Variants in SPOCK3 observed in about 807,000 individuals in gnomAD.
The protein encoded by SPOCK3 is SPARC (osteonectin), cwcv and kazal like domains proteoglycan 3.
A neutral mutation model predicts 56.6 loss-of-function variants in SPOCK3; 30 were observed. The observed-to-expected ratio is 0.53, with a 90% CI of 0.40 to 0.72. The LOEUF is 0.72. Ranked by LOEUF, SPOCK3 falls within the 30% of genes least tolerant of loss-of-function variation. The pLI, the probability that SPOCK3 is intolerant of heterozygous loss-of-function variation, is 0.00. For missense variants in SPOCK3, 527 were observed against 530.0 expected (o/e 0.99, Z 0.06); for synonymous variants, 196 against 183.3 (o/e 1.07, Z -0.56).
At chr4:166,892,902 A>C (rs1352330585) in intron 5 of SPOCK3, among the ~76,000 whole-genome samples, 1 of 152,128 alleles carries the variant, frequency 6.6e-6, no homozygotes, top group Non-Finnish European at 1.5e-5. Flanking sequence ...CCCAACCTTC[A>C]GGGTCAGCAA....
At chr4:167,193,771 A>G (rs894180150) in intron 2 of SPOCK3, among the ~76,000 whole-genome samples, 1 of 145,332 alleles carries the variant, frequency 6.9e-6, no homozygotes, top group Non-Finnish European at 1.5e-5. Context: ...TAGGTGACAA[A>G]CCACTTCCCT....
intron 6 of SPOCK3, among the ~76,000 whole-genome samples, chr4:166,845,354 A>T (rs1377178951): frequency 6.6e-6 from 1 of 152,208 alleles, no homozygotes; most frequent in Non-Finnish European, 1.5e-5. Context: ...GGCATATGAA[A>T]TTTTAGCAGA....
intron 4 of SPOCK3, among the ~76,000 whole-genome samples, chr4:166,954,382 CA>C (rs1364199525): frequency 1.3e-5 from 2 of 152,096 alleles, no homozygotes; most frequent in African/African-American, 4.8e-5. Context: ...TTGCCTATAG[CA>C]ACATTATGGA....
At chr4:166,910,630 A>G (rs1304137767) in intron 5 of SPOCK3, among the ~76,000 whole-genome samples, 2 of 152,140 alleles carry the variant, frequency 1.3e-5, no homozygotes, top group East Asian at 1.9e-4. Context: ...TTGGTGTCCT[A>G]TGAAACTAAA....
intron 2 of SPOCK3, among the ~76,000 whole-genome samples, chr4:167,077,910 CTTTAA>C (rs1480320426): frequency 1.3e-5 from 2 of 151,802 alleles, no homozygotes; most frequent in Non-Finnish European, 2.9e-5. Flanking sequence ...GGAAACGTGG[CTTTAA>C]TTTAACAAAT....
At chr4:167,115,900 A>G (rs77644164) in intron 2 of SPOCK3, among the ~76,000 whole-genome samples, 2,879 of 152,214 alleles carry the variant, frequency 0.019, 76 homozygotes, top group African/African-American at 0.066. Context: ...AGAAAAATAA[A>G]TATCTCTAAA....
At chr4:167,138,846 T>C (rs1043863285) in intron 2 of SPOCK3, among the ~76,000 whole-genome samples, 1 of 151,956 alleles carries the variant, frequency 6.6e-6, no homozygotes, top group Non-Finnish European at 1.5e-5. Flanking sequence ...GATATTTTTA[T>C]CTTCTAAACA....
At chr4:166,997,209 G>A (rs888844940) in intron 4 of SPOCK3, among the ~76,000 whole-genome samples, 8 of 151,962 alleles carry the variant, frequency 5.3e-5, no homozygotes, top group East Asian at 3.9e-4. Flanking sequence ...TTATGCATGC[G>A]GTGCTTAATA....
chr4:167,000,345 T>A lies in SPOCK3; in HGVS notation c.350+4A>T. 1 of 1,461,294 alleles carries A rather than the reference T, an allele frequency of 6.8e-7. No homozygotes were observed. Among genetic ancestry groups the A allele is most frequent in the Non-Finnish European group, 9.5e-7 (1 of 1,055,850 alleles). The allele number at this position is 1,461,294 out of a possible 1,614,324, so 90.5% of individuals were successfully genotyped here. On this transcript the variant is annotated splice_donor_region_variant and intron_variant, in intron 4 of 10. Transcript: ENST00000357545. ...TCAGTGGGATTAAATTTAACAATGT[T>A]TACCTGTGTGTAAGCCTCCGGTGAC... is the stretch of plus-strand genomic sequence containing the variant.
Position 167,161,633 on chromosome 4 carries a change from A to G in SPOCK3, c.189+72352T>C, listed in dbSNP as rs1279218629. 7.9e-5 allele frequency among the ~76,000 whole-genome samples: 12 copies of G among 152,264 alleles called. No homozygotes were observed. In the East Asian group the frequency reaches 2.3e-3, roughly 29 times the overall value. On this transcript the variant is annotated intron_variant, in intron 2 of 10. Transcript: ENST00000357545. ...CTATTCACAATAGCAAAGACTTGGA[A>G]CCAACCCAAATGTGCAACAATGATA...
chr4:166,768,090 G>A lies in SPOCK3; in HGVS notation c.710-13361C>T, dbSNP rs906151717. On this transcript the variant is annotated intron_variant, in intron 7 of 10. Transcript: ENST00000357545. ...TTTGAGCCTATGTGTGTCTCTGCAT[G>A]TGAGATGGGTCTCCTGAATACAGCA... 1.1e-4 allele frequency among the ~76,000 whole-genome samples: 17 copies of A among 151,886 alleles called. 1 individual carries two copies. The highest frequency in any genetic ancestry group is 6.8e-3 in the Middle Eastern group (2 of 294).
rs576477714 is a variant in SPOCK3, at chr4:166,791,808, CG to C, written c.709+361del. On this transcript the variant is annotated intron_variant, in intron 7 of 10. Coordinates refer to ENST00000357545, the MANE Select transcript of SPOCK3 (RefSeq NM_001040159.2). ...AAGTAATCTTGGAAAGGCTACCATACGGGGGAGTTCTGTTGTATTCTTTAAA... is the reference window on the plus strand; with the variant it reads ...AAGTAATCTTGGAAAGGCTACCATACGGGGAGTTCTGTTGTATTCTTTAAA... Among the ~76,000 whole-genome samples, 558 of 152,186 alleles carry C rather than the reference CG, an allele frequency of 3.7e-3. 3 individuals are homozygous for C. The highest frequency in any genetic ancestry group is 0.012 in the African/African-American group (519 of 41,550).
chr4:167,223,069 A>ATATAATATAT (rs1348634445), intron 2 of SPOCK3, among the ~76,000 whole-genome samples: 1 of 110,890 alleles, frequency 9.0e-6, no homozygotes, highest in Non-Finnish European at 1.7e-5. Flanking sequence ...ATATATGAAT[A>ATATAATATAT]TATATTTTAT....
rs369190793 is a variant in SPOCK3, at chr4:167,184,621, G to C, written c.189+49364C>G. 3.9e-5 allele frequency among the ~76,000 whole-genome samples: 6 copies of C among 152,300 alleles called. No individual in the cohort carries two copies. In the South Asian group the frequency reaches 1.2e-3, roughly 32 times the overall value. On this transcript the variant is annotated intron_variant, in intron 2 of 10. Transcript: ENST00000357545. ...GATTTGCTAACCTGAGATGGAACCA[G>C]TATACTATTCCAGGAAGACTGATTC...
Position 167,205,393 on chromosome 4 carries a change from T to A in SPOCK3, c.189+28592A>T, listed in dbSNP as rs546399262. 5.5e-3 allele frequency among the ~76,000 whole-genome samples: 246 copies of A among 44,608 alleles called. 9 individuals carry two copies. The highest frequency in any genetic ancestry group is 0.023 in the African/African-American group (228 of 9,744). 29.3% of individuals were successfully genotyped at this position (44,608 alleles called of 152,430 possible). A position where few individuals can be genotyped will look rare whatever the true frequency, so the allele number is the denominator to read the frequency against. ...TTTTATATATATAATATATATATTT[T>A]ATATATAATATATTATATATTAAAT... On this transcript the variant is annotated intron_variant, in intron 2 of 10. Transcript: ENST00000357545.
At chr4:167,108,210 T>A (rs1048374744) in intron 2 of SPOCK3, among the ~76,000 whole-genome samples, 4 of 151,906 alleles carry the variant, frequency 2.6e-5, no homozygotes, top group African/African-American at 9.7e-5. Flanking sequence ...TTGGTGGGAA[T>A]GTAAATTACT....
chr4:166,965,861 A>C (rs1744681165), intron 4 of SPOCK3, among the ~76,000 whole-genome samples: 1 of 152,026 alleles, frequency 6.6e-6, no homozygotes, highest in African/African-American at 2.4e-5. Flanking sequence ...AATCACACAA[A>C]ATCTATTGTT....
At chr4:167,020,082 T>C (rs1406390973) in intron 3 of SPOCK3, among the ~76,000 whole-genome samples, 1 of 152,102 alleles carries the variant, frequency 6.6e-6, no homozygotes, top group Non-Finnish European at 1.5e-5. Context: ...GACCTTTTGT[T>C]ACTGTAGCCT....
chr4:166,770,465 G>A (rs1738781235), intron 7 of SPOCK3, among the ~76,000 whole-genome samples: 1 of 152,156 alleles, frequency 6.6e-6, no homozygotes, highest in South Asian at 2.1e-4. Context: ...CATTTGCCAT[G>A]TAATATATCA....
Sources: gnomAD v4.1 joint callset for allele counts (sites outside exome capture counted in the v4.1 genomes callset) on GRCh38, gnomAD v4.1.1 for gene constraint, MANE v1.5 for transcripts, NCBI Gene and HGNC (gene_info 2026-07-23, HGNC 2026-07-21) for gene names.